The following ATXN1 variants were observed in gnomAD, a reference collection of about 807,000 sequenced individuals.
The protein encoded by ATXN1 is ataxin 1.
ATXN1 carries 8 observed loss-of-function variants against 56.4 expected under a neutral mutation model. That is an observed-to-expected ratio of 0.14 (90% CI 0.08 to 0.26). The LOEUF (loss-of-function observed/expected upper bound fraction) is 0.26. Ranked by LOEUF, ATXN1 falls within the 10% of genes least tolerant of loss-of-function variation. ATXN1 has a pLI of 1.00. For missense variants in ATXN1, 987 were observed against 1,106.5 expected, an observed-to-expected ratio of 0.89 and a Z score of 1.53; for synonymous variants, 514 against 494.6, an observed-to-expected ratio of 1.04 and a Z score of -0.52.
intron 3 of ATXN1, among the ~76,000 whole-genome samples, chr6:16,617,540 G>A (rs374973160): frequency 1.3e-4 from 20 of 151,778 alleles, no homozygotes; most frequent in South Asian, 4.2e-4. Context: ...TTAGAAATGC[G>A]GATCACGAGG....
Position 16,624,961 on chromosome 6 carries a change from G to A in ATXN1, c.-489+32815C>T, listed in dbSNP as rs568266157. On this transcript the variant is annotated intron_variant, in intron 3 of 7. Coordinates refer to ENST00000436367, the MANE Select transcript of ATXN1 (RefSeq NM_001128164.2). ...CAGAATGCATCGCTTATCATTTGAC[G>A]TAATCTCTACCATGAAATACTTGTT... 3.2e-4 allele frequency among the ~76,000 whole-genome samples: 48 copies of A among 152,220 alleles called. No homozygotes were observed. The South Asian group carries it at 9.5e-3, about 30-fold the overall frequency.
rs869081370 is a variant in ATXN1 at position 16,674,336 on chromosome 6, C to CTTTTTTTTT, written c.-614-16444_-614-16436dup. On this transcript the variant is annotated intron_variant, in intron 2 of 7. Transcript: ENST00000436367. Reference sequence around the variant, plus strand: ...CTATTTGACTGTTACAGAGAACTTTCTTTTTTTTTTTTTTTTTTTTTTTTG... The same window carrying CTTTTTTTTT: ...CTATTTGACTGTTACAGAGAACTTTCTTTTTTTTTTTTTTTTTTTTTTTTTTTTTTTTTG... 4.7e-4 allele frequency among the ~76,000 whole-genome samples: 37 copies of CTTTTTTTTT among 78,132 alleles called. 4 individuals carry two copies. The highest frequency in any genetic ancestry group is 1.6e-3 in the African/African-American group (29 of 18,336). 51.3% of individuals were successfully genotyped at this position (78,132 alleles called of 152,430 possible).
chr6:16,591,161 C>T (rs919109585), intron 3 of ATXN1, among the ~76,000 whole-genome samples: 6 of 151,748 alleles, frequency 4.0e-5, no homozygotes, highest in Non-Finnish European at 7.4e-5. Flanking sequence ...CTTGCTATGT[C>T]GCCCAGGCTG....
At chr6:16,583,373 G>A (rs1032600856) in intron 4 of ATXN1, among the ~76,000 whole-genome samples, 6 of 152,124 alleles carry the variant, frequency 3.9e-5, no homozygotes, top group South Asian at 2.1e-4. Context: ...ACTTTTCAAC[G>A]TTACGATGGA....
At chr6:16,565,136 C>T (rs1297342355) in intron 4 of ATXN1, among the ~76,000 whole-genome samples, 1 of 152,168 alleles carries the variant, frequency 6.6e-6, no homozygotes, top group Non-Finnish European at 1.5e-5. Flanking sequence ...AAAAATCAAT[C>T]TCTGCTTTAT....
chr6:16,552,571 T>C (rs9396682), intron 4 of ATXN1, among the ~76,000 whole-genome samples: 7,601 of 152,232 alleles, frequency 0.05, 254 homozygotes, highest in Admixed American at 0.079. Context: ...CAGCAAAAAT[T>C]AGAAGTGTAG....
intron 3 of ATXN1, among the ~76,000 whole-genome samples, chr6:16,597,464 A>C (rs1380180503): frequency 6.8e-6 from 1 of 146,412 alleles, no homozygotes; most frequent in African/African-American, 2.5e-5. Context: ...TTTGAGACAG[A>C]GTCTTGCTCT....
chr6:16,629,676 GAGGCTGAAGTGGGT>G (rs1763470656), intron 3 of ATXN1, among the ~76,000 whole-genome samples: 1 of 152,042 alleles, frequency 6.6e-6, no homozygotes, highest in Non-Finnish European at 1.5e-5. Flanking sequence ...TGCACTTTGG[GAGGCTGAAGTGGGT>G]GGATCCCCTG....
Position 16,328,240 on chromosome 6 carries a change from C to T in ATXN1, c.71G>A (p.Arg24Gln), listed in dbSNP as rs1189003389. Residue 24 changes from arginine (R) to glutamine (Q), a missense_variant, in exon 7 of 8, where the codon CGG becomes CAG. Arg to Gln is a conservative substitution (Grantham distance 43). Transcript: ENST00000436367. This position sits in a 1 kb window ranked among gnomAD's most constrained non-coding sequence, Gnocchi z 6.2. The part of the protein sequence containing the change: ...PKKREIPATS[R>Q]SSEEKAPTLP... Reference sequence around the variant, plus strand: ...GGTAGGGGCCTTCTCCTCGGAGGACCGGCTGGTGGCGGGGATCTCGCGCTT... The same window carrying T: ...GGTAGGGGCCTTCTCCTCGGAGGACTGGCTGGTGGCGGGGATCTCGCGCTT... 3.2e-6 allele frequency: 5 copies of T among 1,554,198 alleles called. No individual in the cohort carries two copies. Among genetic ancestry groups the T allele is most frequent in the Admixed American group, 2.0e-5 (1 of 51,052 alleles).
At chr6:16,675,632 G>A (rs1581354625) in intron 2 of ATXN1, among the ~76,000 whole-genome samples, 2 of 152,224 alleles carry the variant, frequency 1.3e-5, no homozygotes, top group South Asian at 2.1e-4. Flanking sequence ...TGTAATCCCA[G>A]CACTTTGGGA....
At chr6:16,536,039 C>CA (rs942635014) in intron 4 of ATXN1, among the ~76,000 whole-genome samples, 8 of 149,726 alleles carry the variant, frequency 5.3e-5, no homozygotes, top group East Asian at 2.0e-4. Context: ...CTGACTCTAC[C>CA]AAAAAAAAAC....
intron 2 of ATXN1, among the ~76,000 whole-genome samples, chr6:16,712,724 T>TG (rs1759553477): frequency 6.6e-6 from 1 of 151,624 alleles, no homozygotes; most frequent in Non-Finnish European, 1.5e-5. Flanking sequence ...GCTTTTTTTT[T>TG]TTTTCTTTTG....
chr6:16,517,154 T>A (rs1761198314), intron 5 of ATXN1, among the ~76,000 whole-genome samples: 1 of 152,272 alleles, frequency 6.6e-6, no homozygotes, highest in Non-Finnish European at 1.5e-5. Flanking sequence ...GCCTTGATTC[T>A]GTGTCAACCA....
chr6:16,530,400 C>T (rs1761481001), intron 4 of ATXN1, among the ~76,000 whole-genome samples: 1 of 152,110 alleles, frequency 6.6e-6, no homozygotes. Flanking sequence ...GTATCAATGC[C>T]CATCACTTCA....
intron 4 of ATXN1, among the ~76,000 whole-genome samples, chr6:16,533,245 T>C (rs772956469): frequency 1.3e-5 from 2 of 152,198 alleles, no homozygotes; most frequent in Non-Finnish European, 2.9e-5. Context: ...AGAAGACCCC[T>C]GTGATCACTT....
chr6:16,379,957 TC>T (rs1191032058), intron 6 of ATXN1, among the ~76,000 whole-genome samples: 1 of 152,148 alleles, frequency 6.6e-6, no homozygotes, highest in East Asian at 1.9e-4. Context: ...CTTAGGTGGG[TC>T]CACATGGACT....
intron 6 of ATXN1, among the ~76,000 whole-genome samples, chr6:16,330,964 G>A (rs1214354239): frequency 1.3e-5 from 2 of 152,038 alleles, no homozygotes; most frequent in Non-Finnish European, 2.9e-5. Flanking sequence ...AAGAAATGAA[G>A]TGTTGAAGGA....
At chr6:16,342,909 T>C (rs1761287210) in intron 6 of ATXN1, among the ~76,000 whole-genome samples, 1 of 152,132 alleles carries the variant, frequency 6.6e-6, no homozygotes, top group Non-Finnish European at 1.5e-5. Context: ...AGAATTTCAG[T>C]TTGGTATGAT....
At chr6:16,367,348 TCTCTCTCTCTCTCTCA>T (rs1761944004) in intron 6 of ATXN1, among the ~76,000 whole-genome samples, 1 of 105,588 alleles carries the variant, frequency 9.5e-6, no homozygotes. Context: ...TCTCTCTCTC[TCTCTCTCTCTCTCTCA>T]CACACACACA....
Sources: allele counts gnomAD v4.1 joint callset (sites outside exome capture counted in the v4.1 genomes callset), GRCh38; gene constraint gnomAD v4.1.1; non-coding constraint Gnocchi (gnomAD v3.1); transcripts MANE v1.5; gene names NCBI Gene and HGNC (gene_info 2026-07-23, HGNC 2026-07-21).